Variants in ERBB4 observed in about 807,000 individuals in gnomAD.
The protein encoded by ERBB4 is receptor tyrosine-protein kinase erbB-4.
ERBB4 carries 42 observed loss-of-function variants against 158.0 expected under a neutral mutation model. That is an observed-to-expected ratio of 0.27 (90% CI 0.21 to 0.34). ERBB4 has a LOEUF of 0.34. Among genes scored for constraint, ERBB4 ranks in the 10% least tolerant of loss-of-function variants. The pLI is 1.00. For missense variants in ERBB4, 1,333 were observed against 1,624.1 expected (o/e 0.82, Z 3.08); for synonymous variants, 583 against 558.7 (o/e 1.04, Z -0.61).
At chr2:212,096,322 A>G (rs2078931900) in intron 2 of ERBB4, among the ~76,000 whole-genome samples, 1 of 152,148 alleles carries the variant, frequency 6.6e-6, no homozygotes, top group African/African-American at 2.4e-5. Context: ...GTCAAATTAC[A>G]AGTTAAAAGT....
intron 1 of ERBB4, among the ~76,000 whole-genome samples, chr2:212,333,526 C>T (rs576203762): frequency 1.4e-4 from 18 of 132,236 alleles, no homozygotes; most frequent in African/African-American, 2.8e-4. Context: ...AGAAAAAATA[C>T]GAAAAAAAAA....
At chr2:212,506,531 CAAA>C (rs570836627) in intron 1 of ERBB4, among the ~76,000 whole-genome samples, 2 of 127,054 alleles carry the variant, frequency 1.6e-5, no homozygotes, top group African/African-American at 5.8e-5. Context: ...CAAATGATAA[CAAA>C]AAAAAAAAAA....
At chr2:212,049,080 C>T (rs1048422348) in intron 2 of ERBB4, among the ~76,000 whole-genome samples, 2 of 152,198 alleles carry the variant, frequency 1.3e-5, no homozygotes, top group Non-Finnish European at 2.9e-5. Flanking sequence ...GCAGTTTAAA[C>T]AGATGCGTGT....
chr2:211,696,286 T>C (rs1575002189), intron 12 of ERBB4, among the ~76,000 whole-genome samples: 2 of 152,016 alleles, frequency 1.3e-5, no homozygotes, highest in East Asian at 3.9e-4. Flanking sequence ...AATTTTTGTA[T>C]TTTTAGTAGA....
intron 1 of ERBB4, among the ~76,000 whole-genome samples, chr2:212,434,820 G>T (rs16848553): frequency 0.02 from 3,108 of 152,052 alleles, 96 homozygotes; most frequent in South Asian, 0.05. Context: ...GAAGAGCAAT[G>T]TAAATGTGCA....
chr2:212,247,846 C>T (rs772953781), intron 1 of ERBB4, among the ~76,000 whole-genome samples: 2 of 152,090 alleles, frequency 1.3e-5, no homozygotes, highest in Non-Finnish European at 2.9e-5. Flanking sequence ...AGCCTGTAAT[C>T]CCAGCTACTA....
chr2:212,123,346 T>C (rs1265662751), intron 2 of ERBB4, among the ~76,000 whole-genome samples: 1 of 152,150 alleles, frequency 6.6e-6, no homozygotes, highest in African/African-American at 2.4e-5. Flanking sequence ...GAGGTTGCAA[T>C]GAGCCGATAT....
intron 2 of ERBB4, among the ~76,000 whole-genome samples, chr2:211,991,635 CTA>C (rs1236064009): frequency 6.6e-6 from 1 of 152,048 alleles, no homozygotes; most frequent in Non-Finnish European, 1.5e-5. Context: ...GGGAGAACGA[CTA>C]TTGTAAAAAT....
intron 20 of ERBB4, among the ~76,000 whole-genome samples, chr2:211,499,342 G>A (rs112902016): frequency 1.3e-4 from 20 of 151,960 alleles, no homozygotes; most frequent in African/African-American, 3.6e-4. Flanking sequence ...GGACAACATG[G>A]TGAAACCCCA....
intron 3 of ERBB4, among the ~76,000 whole-genome samples, chr2:211,861,109 A>ATAT (rs1553648392): frequency 2.7e-5 from 1 of 36,690 alleles, no homozygotes; most frequent in East Asian, 1.1e-3. Context: ...CATTATATAT[A>ATAT]TTTATATATA....
chr2:211,582,045 A>C lies in ERBB4; in HGVS notation c.2302-19957T>G, dbSNP rs565130838. 1.8e-4 allele frequency among the ~76,000 whole-genome samples: 27 copies of C among 152,204 alleles called. 1 individual carries two copies. The South Asian group carries it at 4.6e-3, about 26-fold the overall frequency. On this transcript the variant is annotated intron_variant, in intron 19 of 27. Transcript: ENST00000342788. ...ATTAATTTCATGTTAGTATTGGTCAATCTTGCCCATTGCTGTGTTTGCACA... is the reference window on the plus strand; with the variant it reads ...ATTAATTTCATGTTAGTATTGGTCACTCTTGCCCATTGCTGTGTTTGCACA...
chr2:211,517,622 G>C (rs1048273379), intron 20 of ERBB4, among the ~76,000 whole-genome samples: 3 of 152,088 alleles, frequency 2.0e-5, no homozygotes, highest in African/African-American at 7.2e-5. Context: ...AATGAAGAGA[G>C]CTCTGTCTCT....
At chr2:212,039,919 C>T (rs1277556407) in intron 2 of ERBB4, among the ~76,000 whole-genome samples, 1 of 152,030 alleles carries the variant, frequency 6.6e-6, no homozygotes, top group Admixed American at 6.6e-5. Context: ...TTTTTAGCTG[C>T]ATGCTAAATA....
intron 16 of ERBB4, among the ~76,000 whole-genome samples, chr2:211,651,050 C>A (rs575334454): frequency 2.6e-5 from 4 of 152,164 alleles, no homozygotes; most frequent in African/African-American, 9.6e-5. Flanking sequence ...TTTATATTAA[C>A]CAGGGAGTAC....
intron 1 of ERBB4, among the ~76,000 whole-genome samples, chr2:212,404,083 T>C (rs1441879356): frequency 1.3e-5 from 2 of 151,750 alleles, no homozygotes; most frequent in African/African-American, 4.8e-5. Flanking sequence ...GGTTTTAGAG[T>C]CTGATTAGTT....
chr2:211,715,387 A>G (rs1330717013), intron 7 of ERBB4, among the ~76,000 whole-genome samples: 4 of 152,194 alleles, frequency 2.6e-5, no homozygotes, highest in Admixed American at 2.6e-4. Context: ...GCTGATTTTG[A>G]GACTACTCCT....
chr2:212,499,885 G>C (rs568135129), intron 1 of ERBB4, among the ~76,000 whole-genome samples: 2 of 152,156 alleles, frequency 1.3e-5, no homozygotes, highest in African/African-American at 2.4e-5. Flanking sequence ...ACACAGAAAA[G>C]AATAGGGATT....
intron 20 of ERBB4, among the ~76,000 whole-genome samples, chr2:211,464,894 A>G (rs1214033684): frequency 4.0e-5 from 6 of 151,806 alleles, no homozygotes; most frequent in Non-Finnish European, 5.9e-5. Context: ...TTGCATATTA[A>G]CAAGCACAAT....
chr2:211,445,433 C>T (rs2064087412), intron 20 of ERBB4, among the ~76,000 whole-genome samples: 1 of 151,894 alleles, frequency 6.6e-6, no homozygotes, highest in Non-Finnish European at 1.5e-5. Context: ...GGGAAAACAC[C>T]GTTGTTAAAT....
Sources: gnomAD v4.1 joint callset for allele counts (sites outside exome capture counted in the v4.1 genomes callset) on GRCh38, gnomAD v4.1.1 for gene constraint, MANE v1.5 for transcripts, NCBI Gene and HGNC (gene_info 2026-07-23, HGNC 2026-07-21) for gene names.